ZC3H11A: variants seen among roughly 807,000 people sequenced by gnomAD.
The protein encoded by ZC3H11A is zinc finger CCCH-type containing 11A.
Under a neutral mutation model 90.8 loss-of-function variants are expected in ZC3H11A, and 22 were observed. The observed-to-expected ratio is 0.24, with a 90% CI of 0.17 to 0.35. The LOEUF (loss-of-function observed/expected upper bound fraction) is 0.35, where lower values mean the gene tolerates loss of function less well. ZC3H11A is among the 10% of genes least tolerant of loss of function. ZC3H11A has a pLI of 1.00. For missense variants in ZC3H11A, 701 were observed against 964.9 expected (o/e 0.73, Z 3.62); for synonymous variants, 294 against 339.8 (o/e 0.87, Z 1.48).
intron 2 of ZC3H11A, among the ~76,000 whole-genome samples, chr1:203,807,827 G>C (rs768072995): frequency 6.6e-6 from 1 of 151,918 alleles, no homozygotes; most frequent in Admixed American, 6.6e-5. Flanking sequence ...CTGCAGCCTC[G>C]ACCTCTTGGG....
At chr1:203,812,578 ATT>A (rs386369376) in intron 2 of ZC3H11A, among the ~76,000 whole-genome samples, 2 of 109,306 alleles carry the variant, frequency 1.8e-5, no homozygotes, top group Admixed American at 1.1e-4. Flanking sequence ...GCCATTCTAA[ATT>A]TTTTTTTTTT....
intron 1 of ZC3H11A, chr1:203,797,261 G>C: frequency 3.7e-6 from 1 of 268,136 alleles, no homozygotes; most frequent in Non-Finnish European, 7.0e-6. Context: ...TGTAACATGA[G>C]GACACTGGAC....
intron 10 of ZC3H11A, chr1:203,835,873 A>G (rs139779722): frequency 9.2e-4 from 229 of 248,318 alleles, no homozygotes; most frequent in African/African-American, 5.0e-3. Flanking sequence ...CCCCACTTAT[A>G]GCCAGCAAAA....
chr1:203,797,447 G>A, intron 1 of ZC3H11A: 2 of 1,336,034 alleles, frequency 1.5e-6, no homozygotes, highest in East Asian at 2.6e-5. Context: ...TGCAAGTAGA[G>A]AGGAACAGCT....
chr1:203,797,548 C>A, intron 1 of ZC3H11A: 2 of 1,524,804 alleles, frequency 1.3e-6, no homozygotes, highest in South Asian at 1.2e-5. Flanking sequence ...CTAAGTGTAC[C>A]AGTTTCTTCA....
rs533988265 is a variant in ZC3H11A at position 203,819,509 on chromosome 1, A to G, written c.174+820A>G. On this transcript the variant is annotated intron_variant, in intron 4 of 17. Transcript: ENST00000367210. ...AGTGCTGGGATTACATGCGTGAGCC[A>G]CCGTGCCCAGCTGACTCCAATTTTT... is the stretch of plus-strand genomic sequence containing the variant. 2.4e-4 allele frequency among the ~76,000 whole-genome samples: 35 copies of G among 142,962 alleles called. No homozygotes were observed. The East Asian group carries it at 7.4e-3, about 30-fold the overall frequency. 93.8% of individuals were successfully genotyped at this position (142,962 alleles called of 152,430 possible).
intron 12 of ZC3H11A, among the ~76,000 whole-genome samples, chr1:203,843,555 G>T (rs939933657): frequency 3.9e-5 from 6 of 152,104 alleles, no homozygotes; most frequent in Non-Finnish European, 7.4e-5. Flanking sequence ...AAATAACTTT[G>T]CAGTCCACAG....
chr1:203,821,439 C>T (rs1678667772), intron 4 of ZC3H11A, among the ~76,000 whole-genome samples: 1 of 152,064 alleles, frequency 6.6e-6, no homozygotes. Context: ...CTTTTATGCT[C>T]CGATTGACCC....
chr1:203,847,370 T>G lies in ZC3H11A; in HGVS notation c.1229T>G (p.Leu410Arg). The G allele has an allele frequency of 6.2e-7, 1 of 1,613,882 alleles. No homozygotes were observed. Among genetic ancestry groups the G allele is most frequent in the Non-Finnish European group, 8.5e-7 (1 of 1,179,862 alleles). ...TIRIKTFSEVLAEKKHRQQEA... is the reference protein window; with the variant it reads ...TIRIKTFSEVRAEKKHRQQEA... Reference sequence around the variant, plus strand: ...CGTATCAAAACCTTCTCTGAGGTCCTGGCTGAAAAAAAACATCGGCAGCAG... The same window carrying G: ...CGTATCAAAACCTTCTCTGAGGTCCGGGCTGAAAAAAAACATCGGCAGCAG... Residue 410 changes from leucine (L) to arginine (R), a missense_variant, in exon 13 of 18, where the codon CTG becomes CGG. This residue lies in a region of ZC3H11A where 530 missense variants were observed against 696.2 expected (regional missense o/e 0.76). Transcript: ENST00000367210.
chr1:203,850,360 C>G (rs1017416341), intron 15 of ZC3H11A, 155 bp from the exon 16 acceptor site: 11 of 1,129,754 alleles, frequency 9.7e-6, no homozygotes, highest in Non-Finnish European at 4.0e-6. Context: ...CACCATGTGA[C>G]CACAAATTGC....
At chr1:203,838,591 A>G (rs967808146) in intron 11 of ZC3H11A, among the ~76,000 whole-genome samples, 2 of 152,228 alleles carry the variant, frequency 1.3e-5, no homozygotes, top group Non-Finnish European at 2.9e-5. Flanking sequence ...TGACTAGATC[A>G]TAATATAGTC....
intron 2 of ZC3H11A, among the ~76,000 whole-genome samples, chr1:203,811,090 G>A (rs1480540989): frequency 6.6e-6 from 1 of 150,686 alleles, no homozygotes; most frequent in African/African-American, 2.4e-5. Flanking sequence ...GCAATGAGCC[G>A]AGATTGCGCC....
intron 2 of ZC3H11A, among the ~76,000 whole-genome samples, chr1:203,803,403 C>G (rs934424697): frequency 6.6e-6 from 1 of 152,118 alleles, no homozygotes; most frequent in Admixed American, 6.5e-5. Flanking sequence ...CTTGGCCAGG[C>G]TGGTCTGGAA....
intron 2 of ZC3H11A, chr1:203,806,045 C>T (rs892164159): frequency 3.8e-6 from 2 of 528,710 alleles, no homozygotes; most frequent in Non-Finnish European, 7.4e-6. Flanking sequence ...TGCTGCTGCT[C>T]ATACATCCGC....
chr1:203,797,986 A>C, intron 1 of ZC3H11A: 4 of 1,535,040 alleles, frequency 2.6e-6, no homozygotes, highest in Non-Finnish European at 3.5e-6. Context: ...AACCTCTGTG[A>C]GAAAAGCGTC....
intron 9 of ZC3H11A, among the ~76,000 whole-genome samples, chr1:203,832,022 C>T (rs1418101822): frequency 1.3e-5 from 2 of 152,120 alleles, no homozygotes; most frequent in Non-Finnish European, 2.9e-5. Flanking sequence ...ATTGGCTTCC[C>T]ATGTGACTAA....
Position 203,818,678 on chromosome 1 carries a change from A to G in ZC3H11A, c.163A>G (p.Met55Val). 9 of 1,614,168 alleles carry G rather than the reference A, an allele frequency of 5.6e-6. No homozygotes were observed. The highest frequency in any genetic ancestry group is 7.6e-6 in the Non-Finnish European group (9 of 1,180,024). Reference sequence around the variant, plus strand: ...TCGACAGGTGTGCAGGTTTCGGCACATGGAGATTGATGTAAGTTTTTTATT... The same window carrying G: ...TCGACAGGTGTGCAGGTTTCGGCACGTGGAGATTGATGTAAGTTTTTTATT... ...CFRQVCRFRH[M>V]EIDKKRSEIP... Residue 55 changes from methionine to valine, a missense_variant, in exon 4 of 18, where the codon ATG becomes GTG. Physicochemically the swap from Met to Val is conservative, Grantham distance 21 (BLOSUM62 1). Transcript: ENST00000367210.
At chr1:203,828,540 CACTTTACAGATAAGTG>C in intron 5 of ZC3H11A, 118 bp downstream of exon 5, 1 of 1,267,570 alleles carries the variant, frequency 7.9e-7, no homozygotes, top group Admixed American at 2.3e-5. Context: ...GAATTATTTC[CACTTTACAGATAAGTG>C]AACTGAATCT....
chr1:203,819,155 C>T (rs1435735208), intron 4 of ZC3H11A, among the ~76,000 whole-genome samples: 2 of 146,178 alleles, frequency 1.4e-5, no homozygotes, highest in African/African-American at 5.3e-5. Context: ...TGTATATACA[C>T]ACACGTGTAT....
Sources: allele counts gnomAD v4.1 joint callset (sites outside exome capture counted in the v4.1 genomes callset), GRCh38; gene constraint gnomAD v4.1.1; regional missense constraint gnomAD v4.1.1; transcripts MANE v1.5; gene names NCBI Gene and HGNC (gene_info 2026-07-23, HGNC 2026-07-21).